Variants in P2RX5 observed in about 807,000 individuals in gnomAD.
P2RX5 encodes the protein purinergic receptor P2X 5.
P2RX5 carries 46 observed loss-of-function variants against 54.1 expected under a neutral mutation model. That is an observed-to-expected ratio of 0.85 (90% CI 0.67 to 1.09). P2RX5 has a LOEUF of 1.09. P2RX5 is among the 50% of genes least tolerant of loss of function. The pLI, the probability that P2RX5 is intolerant of heterozygous loss-of-function variation, is 0.00. For missense variants in P2RX5, 566 were observed against 549.8 expected, an observed-to-expected ratio of 1.03 and a Z score of -0.29; for synonymous variants, 226 against 226.4, an observed-to-expected ratio of 1.00 and a Z score of 0.02.
the P2RX5 span, among the ~76,000 whole-genome samples, chr17:3,721,260 C>CT: frequency 0.1 from 4,615 of 46,284 alleles, 1,142 homozygotes; most frequent in Non-Finnish European, 0.13. Flanking sequence ...GAGATTTTTC[C>CT]TTTTTTTTTT....
At chr17:3,700,329 T>C (rs142172248), upstream of P2RX5, among the ~76,000 whole-genome samples, 3,308 of 152,202 alleles carry the variant, frequency 0.022, 231 homozygotes, top group Admixed American at 0.14. Flanking sequence ...GGTCAGAAGT[T>C]TGAGACCAGC....
At position 3,690,500 on chromosome 17, in the gene P2RX5, G is replaced by C. The variant is rs375531702; in HGVS notation, c.460C>G (p.Arg154Gly). Reference protein sequence around the residue: ...GNGVKTGRCLRRENLARGTCE... With the variant: ...GNGVKTGRCLGRENLARGTCE... ...GTGCCCCTGGCCAAGTTCTCTCTCC[G>C]CAGGCAGCGGCCGGTCTTCACTCCT... The change falls in exon 5 of 12, where the codon CGG (arginine) becomes GGG (glycine). Residue 154 changes from arginine (R) to glycine (G), a missense_variant. By Grantham distance (125) the Arg-to-Gly change is moderately radical. Transcript: ENST00000225328. The C allele has an allele frequency of 6.2e-7, 1 of 1,613,486 alleles. No homozygotes were observed. The highest frequency in any genetic ancestry group is 1.1e-5 in the South Asian group (1 of 91,074).
upstream of P2RX5, among the ~76,000 whole-genome samples, chr17:3,699,369 C>T (rs2143003035): frequency 6.6e-6 from 1 of 151,956 alleles, no homozygotes; most frequent in East Asian, 1.9e-4. Flanking sequence ...GCACTCCAGC[C>T]TGTATGATAG....
At chr17:3,702,585 C>A in the P2RX5 span, among the ~76,000 whole-genome samples, 2 of 152,184 alleles carry the variant, frequency 1.3e-5, no homozygotes, top group African/African-American at 2.4e-5. Flanking sequence ...ACACTCACTG[C>A]GAAGGTCTGA....
At chr17:3,702,432 T>C in the P2RX5 span, among the ~76,000 whole-genome samples, 2 of 152,112 alleles carry the variant, frequency 1.3e-5, no homozygotes, top group Non-Finnish European at 2.9e-5. Flanking sequence ...GGCCAAATAA[T>C]GGAATAAAAG....
At chr17:3,684,784 AAAGTCAGCAGCACCCAGGCT>A in intron 9 of P2RX5, among the ~76,000 whole-genome samples, 1 of 151,130 alleles carries the variant, frequency 6.6e-6, no homozygotes, top group African/African-American at 2.4e-5. Flanking sequence ...TCCCACCCAA[AAAGTCAGCAGCACCCAGGCT>A]AAGAAACTGT....
chr17:3,689,880 G>A (rs574578463), intron 6 of P2RX5, among the ~76,000 whole-genome samples, 190 bp downstream of exon 6: 7 of 149,518 alleles, frequency 4.7e-5, no homozygotes, highest in South Asian at 2.1e-4. Context: ...GCGAACACAC[G>A]CACACACACA....
chr17:3,690,279 T>C, intron 5 of P2RX5, 129 bp from the exon 6 acceptor site: 2 of 1,170,208 alleles, frequency 1.7e-6, no homozygotes. Context: ...AATTTGCTCA[T>C]GCTGGGGAGG....
upstream of P2RX5, among the ~76,000 whole-genome samples, chr17:3,699,874 A>G (rs28407881): frequency 3.9e-3 from 165 of 42,610 alleles, 3 homozygotes; most frequent in African/African-American, 7.3e-3. Flanking sequence ...AGAAAGAAAG[A>G]AAGGAAGGAA....
chr17:3,695,555 G>A (rs2050733308), intron 1 of P2RX5, among the ~76,000 whole-genome samples: 1 of 152,126 alleles, frequency 6.6e-6, no homozygotes, highest in African/African-American at 2.4e-5. Context: ...CCTTCCCATG[G>A]CCCTAACACG....
At chr17:3,696,193 T>C (rs2050755868), upstream of P2RX5, 2 of 423,648 alleles carry the variant, frequency 4.7e-6, no homozygotes, top group Non-Finnish European at 7.6e-6. Flanking sequence ...TTGACGCGGT[T>C]GAGAAAGCCT....
intron 6 of P2RX5, among the ~76,000 whole-genome samples, 159 bp from the exon 7 acceptor site, chr17:3,689,789 C>T (rs1243355750): frequency 3.3e-5 from 5 of 152,258 alleles, no homozygotes; most frequent in African/African-American, 7.2e-5. Context: ...CACCACCCAC[C>T]GTTTATTCAC....
chr17:3,716,212 C>T, the P2RX5 span, among the ~76,000 whole-genome samples: 9 of 111,218 alleles, frequency 8.1e-5, no homozygotes, highest in Non-Finnish European at 1.3e-4. Context: ...AGGGCAGAGA[C>T]GGGTAGCGGA....
intron 9 of P2RX5, among the ~76,000 whole-genome samples, chr17:3,685,235 C>A (rs142837764): frequency 2.0e-5 from 3 of 152,296 alleles, no homozygotes; most frequent in Admixed American, 6.5e-5. Flanking sequence ...AGCCACGCCT[C>A]GGCTGGGGAC....
rs1006251961 is a variant in P2RX5, at chr17:3,673,644, G to T, written c.*224C>A. 4.2e-6 allele frequency: 6 copies of T among 1,438,302 alleles called. No homozygotes were observed. The highest frequency in any genetic ancestry group is 2.6e-4 in the Middle Eastern group (1 of 3,876). The allele number at this position is 1,438,302 out of a possible 1,614,324, so 89.1% of individuals were successfully genotyped here. ...CGGAGAAAGGAAGAACTGACGGCAG[G>T]GGGTGGGGCAAAAAGACAGCCATGA... On this transcript the variant is annotated 3_prime_UTR_variant, in exon 12 of 12. Coordinates refer to ENST00000225328, the MANE Select transcript of P2RX5 (RefSeq NM_002561.4).
the P2RX5 span, among the ~76,000 whole-genome samples, chr17:3,712,456 G>A: frequency 6.6e-6 from 1 of 152,198 alleles, no homozygotes; most frequent in African/African-American, 2.4e-5. Flanking sequence ...CAGGTGTGAG[G>A]CAGGCAGAGG....
At chr17:3,710,527 A>C in the P2RX5 span, among the ~76,000 whole-genome samples, 1 of 152,012 alleles carries the variant, frequency 6.6e-6, no homozygotes, top group Non-Finnish European at 1.5e-5. Context: ...TTCTGGTGCC[A>C]TTATAATATA....
At chr17:3,708,852 A>AC in the P2RX5 span, among the ~76,000 whole-genome samples, 1 of 147,040 alleles carries the variant, frequency 6.8e-6, no homozygotes, top group South Asian at 2.2e-4. Context: ...GGCAGAAGAT[A>AC]CCATCTTATT....
rs1485163079 is a variant in P2RX5, at chr17:3,679,666, G to T, written c.1183C>A (p.Pro395Thr). The T allele has an allele frequency of 6.2e-7, 1 of 1,611,182 alleles. No individual in the cohort carries two copies. ...CTGCTTCCACGCTTCGCCTCGGGTGGCTCCTGCAGCTCCTGCTGCTCCGGC... is the reference window on the plus strand; with the variant it reads ...CTGCTTCCACGCTTCGCCTCGGGTGTCTCCTGCAGCTCCTGCTGCTCCGGC... ...GMPEQQELQEPPEAKRGSSSQ... is the reference protein window; with the variant it reads ...GMPEQQELQETPEAKRGSSSQ... The change falls in exon 11 of 12, where the codon CCA becomes ACA. Residue 395 changes from proline to threonine, a missense_variant. By Grantham distance (38) the Pro-to-Thr change is conservative. Coordinates refer to ENST00000225328, the MANE Select transcript of P2RX5 (RefSeq NM_002561.4).
Sources: allele counts gnomAD v4.1 joint callset (sites outside exome capture counted in the v4.1 genomes callset), GRCh38; gene constraint gnomAD v4.1.1; transcripts MANE v1.5; gene names NCBI Gene and HGNC (gene_info 2026-07-23, HGNC 2026-07-21).